WDR59: variants seen among roughly 807,000 people sequenced by gnomAD.
WDR59 encodes the protein GATOR2 complex protein WDR59.
Under a neutral mutation model 131.2 loss-of-function variants are expected in WDR59, and 100 were observed. The observed-to-expected ratio is 0.76, with a 90% CI of 0.65 to 0.90. WDR59 has a LOEUF of 0.90. Among genes scored for constraint, WDR59 ranks in the 40% least tolerant of loss-of-function variants. The probability of loss-of-function intolerance (pLI) is 0.00; values close to 1 mark genes in which losing one functional copy is unlikely to be tolerated. For synonymous variants in WDR59, 601 were observed against 466.2 expected (o/e 1.29, Z -3.72); for missense variants, 1,203 against 1,262.2 (o/e 0.95, Z 0.71).
Position 74,938,167 on chromosome 16 carries a change from G to C in WDR59, c.634C>G (p.Gln212Glu). 2 of 1,569,012 alleles carry C rather than the reference G, an allele frequency of 1.3e-6. No individual in the cohort carries two copies. The highest frequency in any genetic ancestry group is 1.7e-6 in the Non-Finnish European group (2 of 1,158,548). Residue 212 changes from glutamine to glutamate, a missense_variant, in exon 8 of 26, where the codon CAA (glutamine) becomes GAA (glutamate). By Grantham distance (29) the Gln-to-Glu change is conservative (BLOSUM62 2). Coordinates refer to ENST00000262144, the MANE Select transcript of WDR59 (RefSeq NM_030581.4). ...DSEHILATSS[Q>E]DNSVKFWDYR... is the part of the protein sequence containing the mutation. ...CCACTGACCTTCACAGAATTGTCTT[G>C]ACTGGAGGTAGCAAGAATGTGCTCG... is the stretch of plus-strand genomic sequence containing the variant.
At chr16:74,970,527 A>AAAAAAAG (rs2033942219) in intron 1 of WDR59, among the ~76,000 whole-genome samples, 2 of 144,584 alleles carry the variant, frequency 1.4e-5, no homozygotes, top group African/African-American at 2.6e-5. Context: ...AAAAAAAAAA[A>AAAAAAAG]GCAGCTCTCC....
At chr16:74,907,362 G>A (rs1965869055) in intron 17 of WDR59, among the ~76,000 whole-genome samples, 1 of 152,178 alleles carries the variant, frequency 6.6e-6, no homozygotes, top group Non-Finnish European at 1.5e-5. Flanking sequence ...TGGATCATGG[G>A]GGCGGCGTCC....
In WDR59 at chr16:74,915,957, C is replaced by G; in HGVS notation, c.1137G>C (p.Glu379Asp). ...GCAGCCCCAGTTGATCTGATTTCCT[C>G]TCTTCCAGGAGATTTCTAGGGGGAT... ...KEDPPRNLLE[E>D]RKSDQLGLPQ... is the part of the protein sequence containing the mutation. Residue 379 changes from glutamate to aspartate, a missense_variant, in exon 13 of 26, where the codon GAG becomes GAC. Coordinates refer to ENST00000262144, the MANE Select transcript of WDR59 (RefSeq NM_030581.4). 6.2e-7 allele frequency: 1 copy of G among 1,614,220 alleles called. No homozygotes were observed.
chr16:74,962,601 T>C (rs1366355828), intron 2 of WDR59, among the ~76,000 whole-genome samples: 7 of 152,080 alleles, frequency 4.6e-5, no homozygotes. Context: ...ATTGTTGGTG[T>C]ATAGGAATGC....
chr16:74,885,663 G>T lies in WDR59; in HGVS notation c.2679C>A (p.His893Gln). 1.2e-6 allele frequency: 2 copies of T among 1,613,964 alleles called. No homozygotes were observed. The highest frequency in any genetic ancestry group is 2.7e-5 in the African/African-American group (2 of 75,008). Residue 893 changes from histidine to glutamine, a missense_variant, in exon 25 of 26, where the codon CAC becomes CAA. Physicochemically the swap from His to Gln is conservative, Grantham distance 24 (BLOSUM62 0). Transcript: ENST00000262144. ...GAAATTCATACTCACCGATCCCTTT[G>T]TGAGGGTCAGGAGGACAGGAGACAA... is the stretch of plus-strand genomic sequence containing the variant. ...LKFVSCPPDP[H>Q]KGIEFGVYCS...
chr16:74,887,414 G>A (rs551217179), intron 23 of WDR59, among the ~76,000 whole-genome samples: 1 of 152,082 alleles, frequency 6.6e-6, no homozygotes, highest in East Asian at 1.9e-4. Context: ...TAAGGGTTAG[G>A]TTTTGGGGGT....
At chr16:74,925,051 G>C (rs1377208472) in intron 8 of WDR59, among the ~76,000 whole-genome samples, 1 of 152,100 alleles carries the variant, frequency 6.6e-6, no homozygotes, top group Non-Finnish European at 1.5e-5. Flanking sequence ...GTTTATAGTG[G>C]CTCTATTCAC....
chr16:74,923,801 C>A, intron 9 of WDR59, 125 bp downstream of exon 9: 1 of 869,104 alleles, frequency 1.2e-6, no homozygotes, highest in South Asian at 1.6e-5. Context: ...TTTGTCCCAC[C>A]ACTAAACCAA....
In WDR59 at chr16:74,885,519, T is replaced by C. The variant is rs916741498; in HGVS notation, c.2689+134A>G. ...GCAAGGGCTTTTCAGATGCTTGGAA[T>C]AGACTCAAAATGCCTCAGAAATTTC... On this transcript the variant is annotated intron_variant, in intron 25 of 25. Transcript: ENST00000262144. 3 of 914,458 alleles carry C rather than the reference T, an allele frequency of 3.3e-6. No homozygotes were observed. In the Admixed American group the frequency reaches 9.8e-5, roughly 30 times the overall value. 56.6% of individuals were successfully genotyped at this position (914,458 alleles called of 1,614,324 possible). A position where few individuals can be genotyped will look rare whatever the true frequency, so the allele number is the denominator to read the frequency against.
At chr16:74,923,374 C>G (rs1201066073) in intron 9 of WDR59, among the ~76,000 whole-genome samples, 2 of 152,112 alleles carry the variant, frequency 1.3e-5, no homozygotes, top group Non-Finnish European at 2.9e-5. Context: ...GCTGCCGGCC[C>G]TACCATTAGT....
At chr16:74,934,115 G>A (rs1413153366) in intron 8 of WDR59, among the ~76,000 whole-genome samples, 2 of 152,110 alleles carry the variant, frequency 1.3e-5, no homozygotes, top group African/African-American at 2.4e-5. Flanking sequence ...CACTGTGCAT[G>A]CCTCCCTATT....
chr16:74,967,933 G>C (rs1483351014), intron 1 of WDR59, among the ~76,000 whole-genome samples: 3 of 151,576 alleles, frequency 2.0e-5, no homozygotes, highest in Non-Finnish European at 4.4e-5. Context: ...TAAACAAAAT[G>C]TGGTACAGAC....
At chr16:74,957,088 T>C (rs1028074490) in intron 2 of WDR59, among the ~76,000 whole-genome samples, 31 of 149,634 alleles carry the variant, frequency 2.1e-4, no homozygotes, top group African/African-American at 7.2e-4. Flanking sequence ...TTTCTTTTTT[T>C]TTTTTTTTTT....
At chr16:74,909,428 G>A in intron 16 of WDR59, 73 bp downstream of exon 16, 1 of 1,465,910 alleles carries the variant, frequency 6.8e-7, no homozygotes, top group Non-Finnish European at 9.0e-7. Flanking sequence ...TGATGAAGAT[G>A]TTTATACAGA....
intron 25 of WDR59, among the ~76,000 whole-genome samples, chr16:74,881,879 A>AAAAAAAAAG (rs1170413208): frequency 4.6e-5 from 7 of 151,422 alleles, no homozygotes; most frequent in Non-Finnish European, 7.4e-5. Flanking sequence ...TCTCAAAAAA[A>AAAAAAAAAG]AAAAAAAAGA....
chr16:74,880,003 A>G (rs1416376187), intron 25 of WDR59, among the ~76,000 whole-genome samples: 1 of 152,056 alleles, frequency 6.6e-6, no homozygotes, highest in African/African-American at 2.4e-5. Flanking sequence ...ATGGACAACA[A>G]AGTGAGACTC....
intron 21 of WDR59, among the ~76,000 whole-genome samples, 175 bp from the exon 22 acceptor site, chr16:74,888,494 G>A (rs1567690058): frequency 6.6e-6 from 1 of 152,176 alleles, no homozygotes; most frequent in African/African-American, 2.4e-5. Context: ...GACCTACTTT[G>A]AGTTTGCCTA....
At chr16:74,925,955 A>T (rs2030748383) in intron 8 of WDR59, among the ~76,000 whole-genome samples, 1 of 151,418 alleles carries the variant, frequency 6.6e-6, no homozygotes, top group Non-Finnish European at 1.5e-5. Context: ...ACTGCACTCC[A>T]GTGTGGGCAA....
intron 6 of WDR59, among the ~76,000 whole-genome samples, chr16:74,945,185 C>A (rs1259775679): frequency 6.6e-6 from 1 of 151,276 alleles, no homozygotes; most frequent in Non-Finnish European, 1.5e-5. Context: ...ACTTAGAAAC[C>A]TATAAATGTG....
Sources: allele counts gnomAD v4.1 joint callset (sites outside exome capture counted in the v4.1 genomes callset), GRCh38; gene constraint gnomAD v4.1.1; transcripts MANE v1.5; gene names NCBI Gene and HGNC (gene_info 2026-07-23, HGNC 2026-07-21).